COL6A1: variants seen among roughly 807,000 people sequenced by gnomAD.
COL6A1 encodes the protein collagen type VI alpha 1 chain, also known as collagen alpha-1(VI) chain.
A neutral mutation model predicts 145.6 loss-of-function variants in COL6A1; 80 were observed. That is an observed-to-expected ratio of 0.55 (90% CI 0.46 to 0.66). The LOEUF (loss-of-function observed/expected upper bound fraction) is 0.66. COL6A1 is among the 30% of genes least tolerant of loss of function. The pLI is 0.00. For synonymous variants in COL6A1, 638 were observed against 622.8 expected (o/e 1.02, Z -0.36); for missense variants, 1,364 against 1,473.8 (o/e 0.93, Z 1.22).
intron 2 of COL6A1, 22 bp downstream of exon 2, chr21:45,982,785 C>T (rs1254514177): frequency 6.2e-7 from 1 of 1,610,498 alleles, no homozygotes; most frequent in East Asian, 2.2e-5. Flanking sequence ...GCCCCGTGAC[C>T]TTCCTCCTGT....
At chr21:45,997,859 G>T in intron 22 of COL6A1, 97 bp downstream of exon 22, 1 of 1,386,232 alleles carries the variant, frequency 7.2e-7, no homozygotes, top group South Asian at 1.3e-5. Flanking sequence ...TGGGGTCCCT[G>T]ACCGGGCCGG....
In COL6A1 at chr21:45,984,507, A is replaced by G. The variant is rs772568163; in HGVS notation, c.428+38A>G. Reference sequence around the variant, plus strand: ...CAGCCTCCTGCCCACGCCAGTTCTCACGCGTGGTACCCAGCCTGGGCTGGG... The same window carrying G: ...CAGCCTCCTGCCCACGCCAGTTCTCGCGCGTGGTACCCAGCCTGGGCTGGG... On this transcript the variant is annotated intron_variant, in intron 3 of 34. Coordinates refer to ENST00000361866, the MANE Select transcript of COL6A1 (RefSeq NM_001848.3). 1.3e-5 allele frequency: 20 copies of G among 1,590,074 alleles called. No homozygotes were observed. The Admixed American group carries it at 3.2e-4, about 25-fold the overall frequency.
chr21:45,999,670 A>C lies in COL6A1; in HGVS notation c.1754A>C (p.His585Pro), dbSNP rs2077826900. 6.2e-7 allele frequency: 1 copy of C among 1,613,282 alleles called. No homozygotes were observed. The highest frequency in any genetic ancestry group is 1.7e-5 in the Admixed American group (1 of 59,960). ...GPEGPQGPPG[H>P]QGPPGPDECE... ...TTTCTCGGACAGGGACCCCCAGGAC[A>C]CCAAGGACCGCCTGGGCCGGACGTA... The change falls in exon 27 of 35, where the codon CAC becomes CCC. Residue 585 changes from histidine (H) to proline (P), a missense_variant. Around this residue, in one of 3 missense-constraint regions of COL6A1, gnomAD observed 938 missense variants for 1,003.8 expected, o/e 0.93. Transcript: ENST00000361866.
chr21:45,985,929 C>A (rs370835537), intron 3 of COL6A1, among the ~76,000 whole-genome samples: 1 of 152,188 alleles, frequency 6.6e-6, no homozygotes, highest in Admixed American at 6.5e-5. Flanking sequence ...AGAGTGCGGC[C>A]CCCTGTGGAA....
chr21:45,997,825 C>T, intron 22 of COL6A1, 63 bp downstream of exon 22: 2 of 1,520,626 alleles, frequency 1.3e-6, no homozygotes, highest in Non-Finnish European at 1.8e-6. Flanking sequence ...CTGGGAAGCC[C>T]CAGCCCCGCA....
chr21:45,992,750 T>G lies in COL6A1; in HGVS notation c.1275T>G (p.Gly425=), dbSNP rs541986497. Reference sequence around the variant, plus strand: ...CCCCTCCATGTCTCTCCACTCAGGGTGGCCCTGGAGAGAGAGGACCACGGG... The same window carrying G: ...CCCCTCCATGTCTCTCCACTCAGGGGGGCCCTGGAGAGAGAGGACCACGGG... The part of the protein sequence containing the change: ...PGPDGAPGER[G]GPGERGPRGT... The change falls in exon 19 of 35, where the codon GGT becomes GGG. Residue 425 remains glycine, a splice_region_variant and synonymous_variant. Transcript: ENST00000361866. The G allele has an allele frequency of 1.9e-6, 3 of 1,590,998 alleles. No individual in the cohort carries two copies. In the African/African-American group the frequency reaches 4.0e-5, roughly 21 times the overall value.
At chr21:45,997,972 C>T (rs998539920) in intron 22 of COL6A1, 149 bp from the exon 23 acceptor site, 35 of 1,170,186 alleles carry the variant, frequency 3.0e-5, no homozygotes, top group Middle Eastern at 2.7e-4. Flanking sequence ...CCAGGGTCCA[C>T]GGGGACCAGC....
chr21:45,985,998 G>C (rs904865228), intron 3 of COL6A1, among the ~76,000 whole-genome samples: 1 of 152,184 alleles, frequency 6.6e-6, no homozygotes, highest in Non-Finnish European at 1.5e-5. Flanking sequence ...GATGCTCAGC[G>C]TCCCCAGCAG....
rs1569517957 is a variant in COL6A1 at position 45,987,766 on chromosome 21, G to GGGGGTCCAGATGGAGGGGACGGC, written c.804+117_804+139dup. 7.1e-3 allele frequency: 7,498 copies of GGGGGTCCAGATGGAGGGGACGGC among 1,059,462 alleles called. 2,346 individuals carry two copies. Among genetic ancestry groups the GGGGGTCCAGATGGAGGGGACGGC allele is most frequent in the Middle Eastern group, 0.021 (65 of 3,040 alleles). The allele number at this position is 1,059,462 out of a possible 1,614,324, so 65.6% of individuals were successfully genotyped here. A position where few individuals can be genotyped will look rare whatever the true frequency, so the allele number is the denominator to read the frequency against. ...ACCATGAGGATCCAGAGGGGACGGC[G>GGGGGTCCAGATGGAGGGGACGGC]GGGGTCCAGATGGAGGGGACGGCGG... On this transcript the variant is annotated intron_variant, in intron 8 of 34. Transcript: ENST00000361866.
At position 45,990,449 on chromosome 21, in the gene COL6A1, G is replaced by GGGAGGGACGA; in HGVS notation, c.1002+33_1002+42dup. On this transcript the variant is annotated intron_variant, in intron 13 of 34. Transcript: ENST00000361866. ...TGACTGGGGGGAGATAGGATGGACG[G>GGGAGGGACGA]GGAGGGACGAGGAGGAATGGGGCGA... is the stretch of plus-strand genomic sequence containing the variant. 2 of 1,404,984 alleles carry GGGAGGGACGA rather than the reference G, an allele frequency of 1.4e-6. 1 individual carries two copies. The highest frequency in any genetic ancestry group is 3.1e-5 in the African/African-American group (2 of 65,282). The allele number at this position is 1,404,984 out of a possible 1,614,324, so 87.0% of individuals were successfully genotyped here. A position where few individuals can be genotyped will look rare whatever the true frequency, so the allele number is the denominator to read the frequency against.
chr21:46,003,091 TCA>T (rs1170717417), intron 33 of COL6A1, 27 bp from the exon 34 acceptor site: 5 of 1,613,830 alleles, frequency 3.1e-6, no homozygotes, highest in Non-Finnish European at 3.4e-6. Context: ...AGCAGTGGGC[TCA>T]CACTGCACGG....
At position 46,004,052 on chromosome 21, in the gene COL6A1, C is replaced by T. The variant is rs1199433975; in HGVS notation, c.*39C>T. ...CCGGCACCAAACCCTGTCCTCCCAC[C>T]CCTCCCCACTCATCACTAAACAGAG... On this transcript the variant is annotated 3_prime_UTR_variant, in exon 35 of 35. Coordinates refer to ENST00000361866, the MANE Select transcript of COL6A1 (RefSeq NM_001848.3). 3 of 1,611,418 alleles carry T rather than the reference C, an allele frequency of 1.9e-6. No individual in the cohort carries two copies. Among genetic ancestry groups the T allele is most frequent in the African/African-American group, 2.7e-5 (2 of 74,924 alleles).
rs2077870151 is a variant in COL6A1 at position 46,004,506 on chromosome 21, T to C, written c.*493T>C. The C allele has an allele frequency of 3.2e-6, 1 of 315,278 alleles. No individual in the cohort carries two copies. Among genetic ancestry groups the C allele is most frequent in the African/African-American group, 2.2e-5 (1 of 45,622 alleles). The allele number at this position is 315,278 out of a possible 1,614,324, so 19.5% of individuals were successfully genotyped here. A position where few individuals can be genotyped will look rare whatever the true frequency, so the allele number is the denominator to read the frequency against. ...CCTCCCTCTCCTCTGTCCCCATAGCTGGTTTTTCCCACCAATCCTCACCTA... is the reference window on the plus strand; with the variant it reads ...CCTCCCTCTCCTCTGTCCCCATAGCCGGTTTTTCCCACCAATCCTCACCTA... On this transcript the variant is annotated 3_prime_UTR_variant, in exon 35 of 35. Coordinates refer to ENST00000361866, the MANE Select transcript of COL6A1 (RefSeq NM_001848.3).
Position 45,990,814 on chromosome 21 carries a change from G to A in COL6A1, c.1044G>A (p.Ser348=), listed in dbSNP as rs749001111. The part of the protein sequence containing the change: ...GYPGLPGCKG[S]PGFDGIQGPP... ...CAGGCCTGCCAGGCTGCAAGGGCTC[G>A]CCCGGGTTTGACGTAAGTCACTTCC... is the stretch of plus-strand genomic sequence containing the variant. Residue 348 remains serine (S), a synonymous_variant, in exon 14 of 35, where the codon TCG becomes TCA. Transcript: ENST00000361866. 4.5e-5 allele frequency: 72 copies of A among 1,613,420 alleles called. No individual in the cohort carries two copies. The highest frequency in any genetic ancestry group is 1.6e-4 in the East Asian group (7 of 44,864).
At chr21:45,992,832 T>G (rs760520595) in intron 19 of COL6A1, 22 bp downstream of exon 19, 10 of 1,581,454 alleles carry the variant, frequency 6.3e-6, no homozygotes, top group South Asian at 5.8e-5. Context: ...TTCCTGGAGC[T>G]GGGAACCACC....
chr21:46,003,355 G>A (rs2077860096), intron 34 of COL6A1, 36 bp from the exon 35 acceptor site: 1 of 1,600,258 alleles, frequency 6.2e-7, no homozygotes, highest in Non-Finnish European at 8.5e-7. Context: ...GCATCACCAG[G>A]GCCTCATGCT....
At position 45,990,834 on chromosome 21, in the gene COL6A1, A is replaced by T; in HGVS notation, c.1056+8A>T. ...GGCTCGCCCGGGTTTGACGTAAGTCACTTCCTCTCACTGATACTTTAAAAC... is the reference window on the plus strand; with the variant it reads ...GGCTCGCCCGGGTTTGACGTAAGTCTCTTCCTCTCACTGATACTTTAAAAC... On this transcript the variant is annotated splice_region_variant and intron_variant, in intron 14 of 34. Transcript: ENST00000361866. 1 of 1,613,242 alleles carries T rather than the reference A, an allele frequency of 6.2e-7. No homozygotes were observed. Among genetic ancestry groups the T allele is most frequent in the East Asian group, 2.2e-5 (1 of 44,862 alleles).
intron 19 of COL6A1, among the ~76,000 whole-genome samples, chr21:45,993,262 C>T (rs997656443): frequency 7.9e-5 from 12 of 152,156 alleles, no homozygotes; most frequent in East Asian, 5.8e-4. Flanking sequence ...CCTTCAGCTC[C>T]GTGGACCGTG....
intron 11 of COL6A1, 116 bp from the exon 12 acceptor site, chr21:45,990,139 GTGA>G: frequency 1.6e-6 from 2 of 1,250,242 alleles, no homozygotes; most frequent in Admixed American, 1.7e-5. Context: ...ATTCTCAGCA[GTGA>G]TGTTGTCCCC....
Sources: gnomAD v4.1 joint callset for allele counts (sites outside exome capture counted in the v4.1 genomes callset) on GRCh38, gnomAD v4.1.1 for gene constraint, gnomAD v4.1.1 regional missense constraint, MANE v1.5 for transcripts, NCBI Gene and HGNC (gene_info 2026-07-23, HGNC 2026-07-21) for gene names.